The following HYCC2 variants were observed in gnomAD, a reference collection of about 807,000 sequenced individuals.
The protein encoded by HYCC2 is hyccin PI4KA lipid kinase complex subunit 2, also known as hyccin 2.
At chr2:201,044,131 T>C in the HYCC2 span, among the ~76,000 whole-genome samples, 5 of 152,366 alleles carry the variant, frequency 3.3e-5, no homozygotes, top group East Asian at 9.6e-4. Context: ...CAAGCTGATA[T>C]TCCAGCATGC....
At chr2:200,995,497 A>G in the HYCC2 span, among the ~76,000 whole-genome samples, 1 of 152,230 alleles carries the variant, frequency 6.6e-6, no homozygotes, top group African/African-American at 2.4e-5. Flanking sequence ...TGAGTACGTT[A>G]CATAAGGTAA....
chr2:201,063,814 T>C, the HYCC2 span: 1 of 1,590,868 alleles, frequency 6.3e-7, no homozygotes, highest in Non-Finnish European at 8.5e-7. Context: ...GCAGTGGGGA[T>C]GGCTATAATG....
At chr2:200,994,126 G>A in the HYCC2 span, among the ~76,000 whole-genome samples, 1 of 152,108 alleles carries the variant, frequency 6.6e-6, no homozygotes. Flanking sequence ...TTCCTCAAAT[G>A]GATGATGGTG....
the HYCC2 span, among the ~76,000 whole-genome samples, chr2:200,993,489 A>C: frequency 6.6e-6 from 1 of 152,210 alleles, no homozygotes; most frequent in Non-Finnish European, 1.5e-5. Context: ...TGATGCTTCC[A>C]AAAAAGTTAT....
the HYCC2 span, among the ~76,000 whole-genome samples, chr2:200,990,079 C>T: frequency 6.6e-6 from 1 of 151,936 alleles, no homozygotes; most frequent in Non-Finnish European, 1.5e-5. Flanking sequence ...TAATATAAAA[C>T]CTCAAATATA....
chr2:201,069,974 T>C, the HYCC2 span, among the ~76,000 whole-genome samples: 4 of 152,214 alleles, frequency 2.6e-5, no homozygotes, highest in African/African-American at 9.6e-5. Flanking sequence ...TTAGGAAAAT[T>C]GTAGAGTTGC....
the HYCC2 span, among the ~76,000 whole-genome samples, chr2:201,039,858 G>A: frequency 1.1e-3 from 163 of 151,980 alleles, 1 homozygote; most frequent in African/African-American, 3.7e-3. Flanking sequence ...ATATCAAAAT[G>A]TGAAAAAAAA....
the HYCC2 span, among the ~76,000 whole-genome samples, chr2:201,033,842 C>A: frequency 6.6e-6 from 1 of 151,996 alleles, no homozygotes; most frequent in South Asian, 2.1e-4. Flanking sequence ...CCCAGCCAAG[C>A]CAAATACTTT....
chr2:201,052,793 G>A, the HYCC2 span, among the ~76,000 whole-genome samples: 1 of 152,208 alleles, frequency 6.6e-6, no homozygotes, highest in Non-Finnish European at 1.5e-5. Context: ...AGAGCTAAGA[G>A]TACAGGTAGA....
the HYCC2 span, among the ~76,000 whole-genome samples, chr2:201,009,960 C>T: frequency 1.3e-5 from 2 of 151,630 alleles, no homozygotes; most frequent in Admixed American, 6.6e-5. Context: ...AAAAATTAGC[C>T]GGGCGTGGTG....
chr2:200,985,357 T>G, the HYCC2 span, among the ~76,000 whole-genome samples: 1 of 152,082 alleles, frequency 6.6e-6, no homozygotes, highest in Non-Finnish European at 1.5e-5. Context: ...CTTCTGTTAA[T>G]ACTGATTTAA....
the HYCC2 span, among the ~76,000 whole-genome samples, chr2:200,994,592 A>G: frequency 1.3e-5 from 2 of 152,244 alleles, no homozygotes; most frequent in Non-Finnish European, 2.9e-5. Flanking sequence ...TTTAATGTCA[A>G]CTTAACAATG....
chr2:201,011,410 C>T, the HYCC2 span: 1 of 1,575,102 alleles, frequency 6.3e-7, no homozygotes, highest in Non-Finnish European at 8.6e-7. Flanking sequence ...ATATTGAAGG[C>T]TTGGATAAGG....
chr2:200,975,938 A>G, the HYCC2 span: 5 of 152,240 alleles, frequency 3.3e-5, no homozygotes, highest in East Asian at 9.6e-4. Context: ...AAGTAATACT[A>G]AAATTTGTCT....
the HYCC2 span, among the ~76,000 whole-genome samples, chr2:201,058,597 A>G: frequency 6.6e-6 from 1 of 152,188 alleles, no homozygotes; most frequent in Non-Finnish European, 1.5e-5. Flanking sequence ...CCAGCTACCC[A>G]GGAAGGTGAA....
the HYCC2 span, among the ~76,000 whole-genome samples, chr2:201,042,574 G>A: frequency 6.7e-4 from 99 of 148,084 alleles, no homozygotes; most frequent in African/African-American, 2.3e-3. Context: ...CAGCCGCCCC[G>A]TCTGAGAAGT....
At chr2:200,999,816 C>T in the HYCC2 span, among the ~76,000 whole-genome samples, 1 of 150,166 alleles carries the variant, frequency 6.7e-6, no homozygotes, top group Non-Finnish European at 1.5e-5. Context: ...GTAATCCCAG[C>T]ACATTGGGAG....
At chr2:201,010,448 A>G in the HYCC2 span, among the ~76,000 whole-genome samples, 3 of 152,222 alleles carry the variant, frequency 2.0e-5, no homozygotes, top group Admixed American at 2.0e-4. Context: ...GCAGACCACA[A>G]GTTTGATTCA....
At chr2:201,069,668 A>T in the HYCC2 span, among the ~76,000 whole-genome samples, 23 of 152,112 alleles carry the variant, frequency 1.5e-4, no homozygotes, top group African/African-American at 5.3e-4. Context: ...AATTCCACCT[A>T]AAATAGAACC....
Sources: allele counts gnomAD v4.1 joint callset (sites outside exome capture counted in the v4.1 genomes callset), GRCh38; gene constraint gnomAD v4.1.1; transcripts MANE v1.5; gene names NCBI Gene and HGNC (gene_info 2026-07-23, HGNC 2026-07-21).